SASH1: variants seen among roughly 807,000 people sequenced by gnomAD.
The protein encoded by SASH1 is SAM and SH3 domain containing 1, also known as SAM and SH3 domain-containing protein 1.
In SASH1, 44 loss-of-function variants were observed where a neutral mutation model predicts 125.2. The observed-to-expected ratio is 0.35, with a 90% CI of 0.28 to 0.45. The LOEUF is 0.45. Among genes scored for constraint, SASH1 ranks in the 20% least tolerant of loss-of-function variants. The pLI is 1.00. For synonymous variants in SASH1, 639 were observed against 649.1 expected (o/e 0.98, Z 0.24); for missense variants, 1,426 against 1,614.5 (o/e 0.88, Z 2.00).
chr6:148,411,206 G>A (rs1476052176), intron 2 of SASH1, among the ~76,000 whole-genome samples: 1 of 138,224 alleles, frequency 7.2e-6, no homozygotes, highest in Non-Finnish European at 1.6e-5. Context: ...AGGCCTTCCA[G>A]GTCTGTATTT....
chr6:148,238,514 G>A, the SASH1 span, among the ~76,000 whole-genome samples: 3 of 151,988 alleles, frequency 2.0e-5, no homozygotes, highest in East Asian at 1.9e-4. Context: ...GTGAGCCACC[G>A]TGCCTGGACT....
In SASH1 at chr6:148,326,114, A is replaced by T. The variant is rs200442316; in HGVS notation, n.74+53737A>T. Among the ~76,000 whole-genome samples, 20 of 143,562 alleles carry T rather than the reference A, an allele frequency of 1.4e-4. No homozygotes were observed. In the East Asian group the frequency reaches 2.9e-3, roughly 21 times the overall value. The allele number at this position is 143,562 out of a possible 152,430, so 94.2% of individuals were successfully genotyped here. A position where few individuals can be genotyped will look rare whatever the true frequency, so the allele number is the denominator to read the frequency against. On this transcript the variant is annotated intron_variant and non_coding_transcript_variant, in intron 1 of 3. Transcript: ENST00000367469. Reference sequence around the variant, plus strand: ...ACGATCTCCACTCACTGCAATCTCCACCTCCTGGGTTCAAGCAATTCTCCT... The same window carrying T: ...ACGATCTCCACTCACTGCAATCTCCTCCTCCTGGGTTCAAGCAATTCTCCT...
chr6:148,404,502 A>G (rs1408749004), intron 2 of SASH1, among the ~76,000 whole-genome samples: 1 of 152,010 alleles, frequency 6.6e-6, no homozygotes, highest in East Asian at 1.9e-4. Context: ...AGAAAAAAAA[A>G]TGTGCTTGGC....
intron 1 of SASH1, among the ~76,000 whole-genome samples, chr6:148,274,249 G>A (rs1236012489): frequency 6.6e-6 from 1 of 152,098 alleles, no homozygotes. Context: ...TTCAACTTGG[G>A]GCAGATGGAC....
intron 2 of SASH1, among the ~76,000 whole-genome samples, chr6:148,422,722 T>C (rs1328605177): frequency 1.3e-5 from 2 of 152,190 alleles, no homozygotes; most frequent in Non-Finnish European, 2.9e-5. Context: ...GGAAAATCAC[T>C]ATACAAGAAC....
chr6:148,336,815 T>G (rs1781169947), intron 1 of SASH1, among the ~76,000 whole-genome samples: 1 of 152,234 alleles, frequency 6.6e-6, no homozygotes, highest in Non-Finnish European at 1.5e-5. Flanking sequence ...TAGCTCAAGT[T>G]AAGTTTTCCT....
chr6:148,274,556 A>G (rs1779138479), intron 1 of SASH1, among the ~76,000 whole-genome samples: 1 of 152,210 alleles, frequency 6.6e-6, no homozygotes, highest in Non-Finnish European at 1.5e-5. Flanking sequence ...CTGAGGATGC[A>G]AAAAGATGTA....
chr6:148,523,510 T>C (rs1351154393), intron 10 of SASH1, among the ~76,000 whole-genome samples: 1 of 152,214 alleles, frequency 6.6e-6, no homozygotes, highest in Non-Finnish European at 1.5e-5. Flanking sequence ...CCCATTGATA[T>C]TTAATACAGA....
rs990942082 is a variant in SASH1, at chr6:148,532,203, G to A, written c.1564+542G>A. On this transcript the variant is annotated intron_variant, in intron 13 of 19. Transcript: ENST00000367467. This position sits in a 1 kb window ranked among gnomAD's most constrained non-coding sequence, Gnocchi z 4.7. ...AGGGATCCTCCTGCCTCAGCCTTCC[G>A]CATAGCTGTACTACAGGGTCATGCC... Among the ~76,000 whole-genome samples, 2 of 151,884 alleles carry A rather than the reference G, an allele frequency of 1.3e-5. No homozygotes were observed. The highest frequency in any genetic ancestry group is 2.4e-5 in the African/African-American group (1 of 41,308).
intron 8 of SASH1, among the ~76,000 whole-genome samples, chr6:148,492,813 T>C (rs1221710417): frequency 6.7e-6 from 1 of 149,390 alleles, no homozygotes. Context: ...AGAGCAAGAC[T>C]CTGTCTCATA....
intron 1 of SASH1, among the ~76,000 whole-genome samples, chr6:148,352,982 A>C (rs961716503): frequency 6.6e-6 from 1 of 152,204 alleles, no homozygotes; most frequent in African/African-American, 2.4e-5. Context: ...AAGAAAAAAA[A>C]GTGAGTTATT....
At chr6:148,288,342 C>A (rs1390854734) in intron 1 of SASH1, among the ~76,000 whole-genome samples, 2 of 152,188 alleles carry the variant, frequency 1.3e-5, no homozygotes, top group Non-Finnish European at 2.9e-5. Flanking sequence ...CAGCCCAACC[C>A]TGTGACAGTG....
At chr6:148,413,728 A>G (rs908479613) in intron 2 of SASH1, among the ~76,000 whole-genome samples, 44 of 152,246 alleles carry the variant, frequency 2.9e-4, no homozygotes, top group African/African-American at 9.4e-4. Flanking sequence ...AGGAATGGAT[A>G]CAATAAGAGA....
At chr6:148,541,283 C>A (rs886512497) in intron 17 of SASH1, among the ~76,000 whole-genome samples, 1 of 151,116 alleles carries the variant, frequency 6.6e-6, no homozygotes, top group Non-Finnish European at 1.5e-5. Context: ...GGAATCCTAT[C>A]TAGTAGCCCA....
chr6:148,511,587 A>AATTC (rs1489417085), intron 8 of SASH1, among the ~76,000 whole-genome samples: 3 of 152,212 alleles, frequency 2.0e-5, no homozygotes, highest in Admixed American at 2.0e-4. Context: ...TCAAAGGTAT[A>AATTC]ATTCAAAGGT....
At chr6:148,472,454 A>T (rs1364951721) in intron 6 of SASH1, among the ~76,000 whole-genome samples, 2 of 152,210 alleles carry the variant, frequency 1.3e-5, no homozygotes, top group East Asian at 3.9e-4. Context: ...CTAAAAAAAA[A>T]AAAAACAGTC....
At chr6:148,298,757 A>G (rs1439747556) in intron 1 of SASH1, among the ~76,000 whole-genome samples, 1 of 47,104 alleles carries the variant, frequency 2.1e-5, no homozygotes, top group Non-Finnish European at 4.2e-5. Flanking sequence ...GGAAGGAAGA[A>G]AAGAGAGAAA....
intron 7 of SASH1, among the ~76,000 whole-genome samples, chr6:148,476,273 C>A (rs1268787649): frequency 2.9e-5 from 2 of 69,244 alleles, no homozygotes; most frequent in Non-Finnish European, 5.1e-5. Flanking sequence ...GAAAAGGACA[C>A]CAAAAAAAAA....
intron 4 of SASH1, among the ~76,000 whole-genome samples, chr6:148,467,201 A>G (rs1777883649): frequency 6.8e-6 from 1 of 146,226 alleles, no homozygotes; most frequent in Non-Finnish European, 1.5e-5. Flanking sequence ...GATTCAAGCA[A>G]TTCTCCTGCC....
Sources: allele counts gnomAD v4.1 joint callset (sites outside exome capture counted in the v4.1 genomes callset), GRCh38; gene constraint gnomAD v4.1.1; non-coding constraint Gnocchi (gnomAD v3.1); transcripts MANE v1.5; gene names NCBI Gene and HGNC (gene_info 2026-07-23, HGNC 2026-07-21).